Variants in SAMSN1 observed in about 807,000 individuals in gnomAD.
The protein encoded by SAMSN1 is SAM domain, SH3 domain and nuclear localization signals 1.
SAMSN1 carries 31 observed loss-of-function variants against 42.0 expected under a neutral mutation model. The ratio of observed to expected loss-of-function variants is 0.74; its 90% CI spans 0.55 to 1.00. The LOEUF (loss-of-function observed/expected upper bound fraction) is 1.00, where lower values mean the gene tolerates loss of function less well. SAMSN1 is among the 50% of genes least tolerant of loss of function. The pLI, the probability that SAMSN1 is intolerant of heterozygous loss-of-function variation, is 0.00. For missense variants in SAMSN1, 464 were observed against 439.4 expected, an observed-to-expected ratio of 1.06 and a Z score of -0.50; for synonymous variants, 178 against 151.9, an observed-to-expected ratio of 1.17 and a Z score of -1.26.
intron 7 of SAMSN1, among the ~76,000 whole-genome samples, chr21:14,592,982 A>G (rs1347660105): frequency 9.0e-6 from 1 of 111,728 alleles, no homozygotes; most frequent in East Asian, 2.2e-4. Context: ...AGCATGAGAA[A>G]TAGCAAGGGC....
chr21:14,635,221 C>A (rs187130275), intron 2 of SAMSN1, among the ~76,000 whole-genome samples: 3 of 152,226 alleles, frequency 2.0e-5, no homozygotes, highest in Admixed American at 1.3e-4. Flanking sequence ...AGGACAAACA[C>A]CTAATGTATG....
intron 2 of SAMSN1, 127 bp from the exon 3 acceptor site, chr21:14,517,168 A>T: frequency 1.3e-6 from 1 of 785,214 alleles, no homozygotes; most frequent in Non-Finnish European, 1.9e-6. Flanking sequence ...AGCCTCCAAA[A>T]TTTCTAACAA....
intron 7 of SAMSN1, chr21:14,496,482 T>C (rs1986920208): frequency 6.6e-6 from 1 of 152,192 alleles, no homozygotes; most frequent in African/African-American, 2.4e-5. Flanking sequence ...GTCAAATCAT[T>C]TTGGAGAGTA....
At position 14,485,721 on chromosome 21, in the gene SAMSN1, T is replaced by C. The variant is rs1412910478; in HGVS notation, c.*191A>G. The C allele has an allele frequency of 4.2e-6, 2 of 481,058 alleles. No individual in the cohort carries two copies. Among genetic ancestry groups the C allele is most frequent in the African/African-American group, 3.9e-5 (2 of 51,762 alleles). 29.8% of individuals were successfully genotyped at this position (481,058 alleles called of 1,614,324 possible). On this transcript the variant is annotated 3_prime_UTR_variant, in exon 8 of 8. Coordinates refer to ENST00000400566, the MANE Select transcript of SAMSN1 (RefSeq NM_022136.5). ...AACACATAGCATTTAAAATAATAAA[T>C]ATATATTTTATTGACAGTAATTTGG...
intron 3 of SAMSN1, among the ~76,000 whole-genome samples, chr21:14,515,097 T>C (rs1427616229): frequency 6.6e-6 from 1 of 152,058 alleles, no homozygotes; most frequent in East Asian, 1.9e-4. Context: ...GGATGTTTTA[T>C]ATGTAAGGAA....
At chr21:14,593,801 T>C in intron 7 of SAMSN1, 2 of 358,912 alleles carry the variant, frequency 5.6e-6, no homozygotes, top group Non-Finnish European at 1.0e-5. Flanking sequence ...CAACCTTTCC[T>C]TCTTTGAAGG....
upstream of SAMSN1, among the ~76,000 whole-genome samples, chr21:14,587,785 C>T (rs188053810): frequency 1.1e-4 from 17 of 150,584 alleles, no homozygotes; most frequent in African/African-American, 3.7e-4. Flanking sequence ...TTTTTTATTA[C>T]ACTTTAAGTT....
chr21:14,548,140 C>T (rs190229804), upstream of SAMSN1, among the ~76,000 whole-genome samples: 16 of 152,206 alleles, frequency 1.1e-4, no homozygotes, highest in East Asian at 2.9e-3. Context: ...TTTGCACCCT[C>T]GACACCCTCT....
intron 1 of SAMSN1, among the ~76,000 whole-genome samples, chr21:14,539,907 C>T (rs932206666): frequency 6.6e-6 from 1 of 152,118 alleles, no homozygotes; most frequent in African/African-American, 2.4e-5. Flanking sequence ...TACAAGACTA[C>T]AGTAACAAAA....
chr21:14,551,657 G>A (rs143550430), intron 2 of SAMSN1, among the ~76,000 whole-genome samples: 27 of 152,116 alleles, frequency 1.8e-4, no homozygotes, highest in African/African-American at 6.0e-4. Context: ...TTTTCATGAA[G>A]TAATATTATT....
intron 1 of SAMSN1, among the ~76,000 whole-genome samples, chr21:14,538,019 G>A (rs180761755): frequency 1.8e-4 from 28 of 152,056 alleles, no homozygotes; most frequent in African/African-American, 6.8e-4. Flanking sequence ...GTCTTATTTG[G>A]TTTTATGTTT....
intron 5 of SAMSN1, chr21:14,609,354 G>A: frequency 1.6e-6 from 1 of 632,330 alleles, no homozygotes; most frequent in Admixed American, 2.7e-5. Flanking sequence ...TATCTTATTT[G>A]GTTTTCCTTT....
At chr21:14,558,192 G>A (rs1264559569) in intron 2 of SAMSN1, among the ~76,000 whole-genome samples, 2 of 152,108 alleles carry the variant, frequency 1.3e-5, no homozygotes, top group East Asian at 1.9e-4. Flanking sequence ...TAAACGAATC[G>A]TCTCAACTGT....
intron 1 of SAMSN1, among the ~76,000 whole-genome samples, chr21:14,536,403 AT>A (rs992362431): frequency 6.6e-6 from 1 of 152,194 alleles, no homozygotes; most frequent in African/African-American, 2.4e-5. Flanking sequence ...CAATATCCAA[AT>A]TTCCAAACAA....
At chr21:14,541,335 A>G (rs1283492494) in intron 1 of SAMSN1, among the ~76,000 whole-genome samples, 1 of 152,080 alleles carries the variant, frequency 6.6e-6, no homozygotes, top group Non-Finnish European at 1.5e-5. Flanking sequence ...AAAAAAAAAA[A>G]AAAGTACATA....
chr21:14,505,226 G>A (rs1987346033), intron 5 of SAMSN1, among the ~76,000 whole-genome samples: 1 of 152,144 alleles, frequency 6.6e-6, no homozygotes, highest in South Asian at 2.1e-4. Context: ...CAAATAGCAT[G>A]ATGAATGGAA....
At chr21:14,554,830 C>T (rs2123185305) in intron 2 of SAMSN1, among the ~76,000 whole-genome samples, 1 of 151,756 alleles carries the variant, frequency 6.6e-6, no homozygotes, top group South Asian at 2.1e-4. Flanking sequence ...TCCTAACTAG[C>T]TGGGATTACA....
At chr21:14,502,847 G>A (rs192467763) in intron 5 of SAMSN1, among the ~76,000 whole-genome samples, 155 of 152,200 alleles carry the variant, frequency 1.0e-3, no homozygotes, top group Non-Finnish European at 1.9e-3. Flanking sequence ...ATCAAGAGAA[G>A]GGCTGAAGAC....
rs146381735 is a variant in SAMSN1 at position 14,637,764 on chromosome 21, G to A, written c.156+5238C>T. Among the ~76,000 whole-genome samples, 51 of 152,176 alleles carry A rather than the reference G, an allele frequency of 3.4e-4. 1 individual carries two copies. Among genetic ancestry groups the A allele is most frequent in the African/African-American group, 1.2e-3 (49 of 41,536 alleles). On this transcript the variant is annotated intron_variant, in intron 2 of 15. Transcript: ENST00000647101. ...TAACAGTTTACAGGACCCAAGTATT[G>A]CAGAGGGGTTGTTATATCCAACTCA... is the stretch of plus-strand genomic sequence containing the variant.
Sources: allele counts gnomAD v4.1 joint callset (sites outside exome capture counted in the v4.1 genomes callset), GRCh38; gene constraint gnomAD v4.1.1; transcripts MANE v1.5; gene names NCBI Gene and HGNC (gene_info 2026-07-23, HGNC 2026-07-21).